The following KCNQ3 variants were observed in gnomAD, a reference collection of about 807,000 sequenced individuals.
KCNQ3 encodes potassium voltage-gated channel subfamily Q member 3.
Under a neutral mutation model 92.5 loss-of-function variants are expected in KCNQ3, and 30 were observed. That is an observed-to-expected ratio of 0.32 (90% CI 0.24 to 0.44). KCNQ3 has a LOEUF of 0.44. Among genes scored for constraint, KCNQ3 ranks in the 20% least tolerant of loss-of-function variants. The pLI is 1.00. For missense variants in KCNQ3, 913 were observed against 1,140.3 expected (o/e 0.80, Z 2.87); for synonymous variants, 450 against 468.8 (o/e 0.96, Z 0.52).
At chr8:132,318,938 C>T (rs559388746) in intron 1 of KCNQ3, among the ~76,000 whole-genome samples, 2 of 152,096 alleles carry the variant, frequency 1.3e-5, no homozygotes, top group Admixed American at 1.3e-4. Flanking sequence ...CAGGAAGCTG[C>T]CCAAGGTTGG....
Position 132,129,675 on chromosome 8 carries a change from AAGG to A in KCNQ3, c.2203_2205del (p.Pro735del). The A allele has an allele frequency of 6.2e-7, 1 of 1,614,042 alleles. No homozygotes were observed. The highest frequency in any genetic ancestry group is 1.1e-5 in the South Asian group (1 of 91,066). ...CTCTCCACATACGTTGTTGCTGAGG[AAGG>A]AGGAGTTGCCTGAACCTTTCCAGAA... On this transcript the variant is annotated inframe_deletion, in exon 15 of 15. Transcript: ENST00000388996. This position sits in a 1 kb window ranked among gnomAD's most constrained non-coding sequence, Gnocchi z 5.9.
chr8:132,316,876 A>G (rs1301969439), intron 1 of KCNQ3, among the ~76,000 whole-genome samples: 1 of 152,168 alleles, frequency 6.6e-6, no homozygotes, highest in African/African-American at 2.4e-5. Context: ...CATGTTTATG[A>G]GTTAGGAAAT....
intron 1 of KCNQ3, among the ~76,000 whole-genome samples, chr8:132,224,762 T>G (rs1814355159): frequency 6.6e-6 from 1 of 150,466 alleles, no homozygotes; most frequent in Non-Finnish European, 1.5e-5. Context: ...TACTTTTTTT[T>G]GAGTTCTCAG....
At chr8:132,222,231 C>T (rs1814262582) in intron 1 of KCNQ3, among the ~76,000 whole-genome samples, 2 of 152,076 alleles carry the variant, frequency 1.3e-5, no homozygotes, top group South Asian at 4.1e-4. Context: ...GAGGTAAATC[C>T]GTCTCTAAAT....
intron 1 of KCNQ3, among the ~76,000 whole-genome samples, chr8:132,257,542 G>A (rs372113299): frequency 1.3e-5 from 2 of 151,886 alleles, no homozygotes; most frequent in African/African-American, 2.4e-5. Context: ...TCAGGAGATT[G>A]AGACCATCCT....
chr8:132,149,292 T>C (rs531196464), intron 9 of KCNQ3, among the ~76,000 whole-genome samples: 2 of 152,364 alleles, frequency 1.3e-5, no homozygotes, highest in East Asian at 3.9e-4. Flanking sequence ...GGGAGGAGCC[T>C]GGCCTCTCCT....
chr8:132,129,838 T>C lies in KCNQ3; in HGVS notation c.2043A>G (p.Lys681=). Residue 681 remains lysine, a synonymous_variant, in exon 15 of 15, where the codon AAA becomes AAG. Coordinates refer to ENST00000388996, the MANE Select transcript of KCNQ3 (RefSeq NM_004519.4). This position sits in a 1 kb window ranked among gnomAD's most constrained non-coding sequence, Gnocchi z 5.9. ...TCTCAGAATAGTTGCAGATGATGGTTTTCAAATCGGAATACCTGTTGTCCT... is the reference window on the plus strand; with the variant it reads ...TCTCAGAATAGTTGCAGATGATGGTCTTCAAATCGGAATACCTGTTGTCCT... The part of the protein sequence containing the change: ...KKEDNRYSDL[K]TIICNYSETG... 6.2e-7 allele frequency: 1 copy of C among 1,614,114 alleles called. No individual in the cohort carries two copies. Among genetic ancestry groups the C allele is most frequent in the Non-Finnish European group, 8.5e-7 (1 of 1,180,014 alleles).
At chr8:132,185,412 G>A (rs1826929060) in intron 2 of KCNQ3, among the ~76,000 whole-genome samples, 2 of 152,256 alleles carry the variant, frequency 1.3e-5, no homozygotes. Flanking sequence ...CTGTCCTGTG[G>A]CTACAGAAGG....
rs375615026 is a variant in KCNQ3 at position 132,170,480 on chromosome 8, C to G, written c.1141-52G>C. On this transcript the variant is annotated intron_variant, in intron 7 of 14. Coordinates refer to ENST00000388996, the MANE Select transcript of KCNQ3 (RefSeq NM_004519.4). ...ATGAGTGGGCACCACCTGAAACTTTCGCACAGACTCCCACACCAACAAAAC... is the reference window on the plus strand; with the variant it reads ...ATGAGTGGGCACCACCTGAAACTTTGGCACAGACTCCCACACCAACAAAAC... 7 of 1,127,922 alleles carry G rather than the reference C, an allele frequency of 6.2e-6. No individual in the cohort carries two copies. In the African/African-American group the frequency reaches 7.6e-5, roughly 12 times the overall value. 69.9% of individuals were successfully genotyped at this position (1,127,922 alleles called of 1,614,324 possible). A position where few individuals can be genotyped will look rare whatever the true frequency, so the allele number is the denominator to read the frequency against.
intron 1 of KCNQ3, among the ~76,000 whole-genome samples, chr8:132,459,457 GA>G (rs1822014101): frequency 6.6e-6 from 1 of 152,140 alleles, no homozygotes; most frequent in Non-Finnish European, 1.5e-5. Flanking sequence ...GATAAGAGAG[GA>G]AGCAAGGCAG....
At chr8:132,478,695 T>C (rs1464121) in intron 1 of KCNQ3, among the ~76,000 whole-genome samples, 36,400 of 151,554 alleles carry the variant, frequency 0.24, 5,422 homozygotes, top group East Asian at 0.34. Flanking sequence ...TCTGGGAAAA[T>C]GCCCCACTCC....
At chr8:132,255,384 C>T (rs2130453138) in intron 1 of KCNQ3, among the ~76,000 whole-genome samples, 1 of 152,314 alleles carries the variant, frequency 6.6e-6, no homozygotes, top group African/African-American at 2.4e-5. Context: ...TTGTTAAACA[C>T]TGCAGGTGCC....
chr8:132,236,779 T>C (rs1353563423), intron 1 of KCNQ3, among the ~76,000 whole-genome samples: 1 of 152,192 alleles, frequency 6.6e-6, no homozygotes, highest in Non-Finnish European at 1.5e-5. Context: ...CTGAGTGTAG[T>C]GGTCAGAGAC....
At chr8:132,297,617 T>C (rs1817082907) in intron 1 of KCNQ3, among the ~76,000 whole-genome samples, 1 of 112,214 alleles carries the variant, frequency 8.9e-6, no homozygotes, top group African/African-American at 3.0e-5. Flanking sequence ...TAAATATGAA[T>C]GAATCAATAA....
intron 1 of KCNQ3, among the ~76,000 whole-genome samples, chr8:132,439,408 C>T (rs979882948): frequency 1.3e-5 from 2 of 152,126 alleles, no homozygotes; most frequent in Admixed American, 1.3e-4. Context: ...CCTGACTCCC[C>T]AGCAGGACTT....
At chr8:132,446,758 C>T (rs1821686956) in intron 1 of KCNQ3, among the ~76,000 whole-genome samples, 1 of 152,158 alleles carries the variant, frequency 6.6e-6, no homozygotes, top group Admixed American at 6.5e-5. Context: ...GAGGCAAGTT[C>T]CCTTTCTCCA....
rs140522872 is a variant in KCNQ3 at position 132,442,606 on chromosome 8, C to T, written c.386+37541G>A. Among the ~76,000 whole-genome samples the T allele has an allele frequency of 1.2e-3, 177 of 152,276 alleles. 2 individuals carry two copies. The highest frequency in any genetic ancestry group is 3.6e-3 in the African/African-American group (151 of 41,554). On this transcript the variant is annotated intron_variant, in intron 1 of 14. Transcript: ENST00000388996. ...AAACTTCTCAAACTCTAGCTTCCAA[C>T]AAGGTGGGCCAGATTTTCTCCTAGT... is the stretch of plus-strand genomic sequence containing the variant.
At chr8:132,440,435 G>C (rs917145426) in intron 1 of KCNQ3, among the ~76,000 whole-genome samples, 6 of 152,166 alleles carry the variant, frequency 3.9e-5, no homozygotes, top group Non-Finnish European at 1.5e-5. Context: ...ACGCAGCCCT[G>C]AGGGGTGGCC....
Position 132,447,159 on chromosome 8 carries a change from GCT to G in KCNQ3, c.386+32986_386+32987del, listed in dbSNP as rs781177437. On this transcript the variant is annotated intron_variant, in intron 1 of 14. Coordinates refer to ENST00000388996, the MANE Select transcript of KCNQ3 (RefSeq NM_004519.4). Reference sequence around the variant, plus strand: ...TGGGACTCTGAGTCCATCTTAGGATGCTCTGTTTTCATATCCCCAAAATGAGA... The same window carrying G: ...TGGGACTCTGAGTCCATCTTAGGATGCTGTTTTCATATCCCCAAAATGAGA... 17 of 1,491,436 alleles carry G rather than the reference GCT, an allele frequency of 1.1e-5. No homozygotes were observed. The African/African-American group carries it at 2.1e-4, about 18-fold the overall frequency. The allele number at this position is 1,491,436 out of a possible 1,614,324, so 92.4% of individuals were successfully genotyped here.
Sources: allele counts gnomAD v4.1 joint callset (sites outside exome capture counted in the v4.1 genomes callset), GRCh38; gene constraint gnomAD v4.1.1; non-coding constraint Gnocchi (gnomAD v3.1); transcripts MANE v1.5; gene names NCBI Gene and HGNC (gene_info 2026-07-23, HGNC 2026-07-21).